AKAP7: variants seen among roughly 807,000 people sequenced by gnomAD.
AKAP7 encodes the protein A-kinase anchoring protein 7, also known as A kinase (PRKA) anchor protein 7.
A neutral mutation model predicts 39.5 loss-of-function variants in AKAP7; 39 were observed. The ratio of observed to expected loss-of-function variants is 0.99; its 90% CI spans 0.76 to 1.29. The LOEUF (loss-of-function observed/expected upper bound fraction) is 1.29. AKAP7 is among the 50% of genes most tolerant of loss of function. AKAP7 has a pLI of 0.00. For synonymous variants in AKAP7, 140 were observed against 139.1 expected (o/e 1.01, Z -0.05); for missense variants, 414 against 407.7 (o/e 1.02, Z -0.13).
intron 7 of AKAP7, among the ~76,000 whole-genome samples, chr6:131,227,966 C>A (rs190526658): frequency 6.6e-6 from 1 of 152,292 alleles, no homozygotes; most frequent in East Asian, 1.9e-4. Flanking sequence ...GGCAGTAGTT[C>A]AGCCAAAAAG....
At chr6:131,130,031 G>A in the AKAP7 span, among the ~76,000 whole-genome samples, 3 of 152,164 alleles carry the variant, frequency 2.0e-5, no homozygotes, top group Non-Finnish European at 2.9e-5. Context: ...GAAAGGAGTC[G>A]GGCAGGGTGA....
upstream of AKAP7, among the ~76,000 whole-genome samples, chr6:131,131,495 T>A (rs1800327865): frequency 6.7e-6 from 1 of 148,830 alleles, no homozygotes; most frequent in Admixed American, 6.7e-5. Flanking sequence ...GAAATTTATC[T>A]GGGAGTGCTG....
intron 7 of AKAP7, among the ~76,000 whole-genome samples, chr6:131,236,918 C>T (rs1057140527): frequency 7.2e-5 from 11 of 152,166 alleles, no homozygotes; most frequent in African/African-American, 2.7e-4. Context: ...GCCTGATTGC[C>T]CTGGCCAGAA....
rs116939246 is a variant in AKAP7 at position 131,228,193 on chromosome 6, G to A, written c.850+8385G>A. On this transcript the variant is annotated intron_variant, in intron 7 of 7. Coordinates refer to ENST00000431975, the MANE Select transcript of AKAP7 (RefSeq NM_016377.4). ...CCATTGTTTGATGCTGCAGGAAGGC[G>A]TAGGAGGAGAAGGAAATTAATTTTT... Among the ~76,000 whole-genome samples, 1,152 of 152,296 alleles carry A rather than the reference G, an allele frequency of 7.6e-3. 9 individuals carry two copies. Among genetic ancestry groups the A allele is most frequent in the Non-Finnish European group, 0.011 (739 of 68,024 alleles).
intron 7 of AKAP7, among the ~76,000 whole-genome samples, chr6:131,267,197 T>C (rs1276761960): frequency 6.6e-6 from 1 of 152,242 alleles, no homozygotes; most frequent in Non-Finnish European, 1.5e-5. Context: ...GTATTTGTGA[T>C]GCTCTTGGTC....
chr6:131,236,315 G>C (rs1449730813), intron 7 of AKAP7, among the ~76,000 whole-genome samples: 1 of 152,138 alleles, frequency 6.6e-6, no homozygotes, highest in Non-Finnish European at 1.5e-5. Flanking sequence ...TAGCCTTGTA[G>C]TATAGTTCGA....
At chr6:131,214,117 C>T (rs1808930606) in intron 6 of AKAP7, among the ~76,000 whole-genome samples, 3 of 152,072 alleles carry the variant, frequency 2.0e-5, no homozygotes, top group South Asian at 2.1e-4. Flanking sequence ...TATTAGGAAT[C>T]GTGTTGTCTT....
At position 131,219,793 on chromosome 6, in the gene AKAP7, T is replaced by A. The variant is rs1809543699; in HGVS notation, c.835T>A (p.Ser279Thr). 6 of 1,558,716 alleles carry A rather than the reference T, an allele frequency of 3.8e-6. No homozygotes were observed. Among genetic ancestry groups the A allele is most frequent in the Middle Eastern group, 1.7e-4 (1 of 5,848 alleles). ...AAGTAATGGTTATTATCACTGTGAA[T>A]CTTCCATTGTGATTGGTGAGTGTCA... ...KQSNGYYHCESSIVIGEKNGG... is the reference protein window; with the variant it reads ...KQSNGYYHCETSIVIGEKNGG... Residue 279 changes from serine to threonine, a missense_variant, in exon 7 of 8, where the codon TCT becomes ACT. Transcript: ENST00000431975.
At chr6:131,165,010 C>T (rs2128241032) in intron 3 of AKAP7, 71 bp from the exon 4 acceptor site, 1 of 1,251,080 alleles carries the variant, frequency 8.0e-7, no homozygotes. Context: ...CTTGATTTTA[C>T]ATTTTACCAT....
At chr6:131,211,798 G>GA (rs1808687340) in intron 6 of AKAP7, among the ~76,000 whole-genome samples, 3 of 136,706 alleles carry the variant, frequency 2.2e-5, no homozygotes, top group African/African-American at 8.3e-5. Context: ...AAAAAAGAAA[G>GA]AAAATTTATG....
intron 7 of AKAP7, among the ~76,000 whole-genome samples, chr6:131,266,459 A>G (rs1413347100): frequency 6.6e-6 from 1 of 152,236 alleles, no homozygotes; most frequent in Non-Finnish European, 1.5e-5. Flanking sequence ...TGCTAGTTCC[A>G]TTTCCTACAG....
At chr6:131,196,733 A>G (rs1488886579) in intron 5 of AKAP7, among the ~76,000 whole-genome samples, 2 of 152,116 alleles carry the variant, frequency 1.3e-5, no homozygotes, top group Non-Finnish European at 2.9e-5. Flanking sequence ...GACCACATGA[A>G]AATTTATTTA....
At position 131,219,735 on chromosome 6, in the gene AKAP7, C is replaced by T; in HGVS notation, c.777C>T (p.Arg259=). The T allele has an allele frequency of 6.3e-7, 1 of 1,597,546 alleles. No homozygotes were observed. Among genetic ancestry groups the T allele is most frequent in the Non-Finnish European group, 8.5e-7 (1 of 1,171,128 alleles). ...GATTTGGAGAAGAAATATTATATCG[C>T]ATAGATCTTTGCTCCATGCTGAAGA... is the stretch of plus-strand genomic sequence containing the variant. ...SHRFGEEILY[R]IDLCSMLKKK... The change falls in exon 7 of 8, where the codon CGC becomes CGT. Residue 259 remains arginine (R), a synonymous_variant. Coordinates refer to ENST00000431975, the MANE Select transcript of AKAP7 (RefSeq NM_016377.4).
Position 131,280,697 on chromosome 6 carries a change from T to C in AKAP7, c.851-833T>C, listed in dbSNP as rs191600893. On this transcript the variant is annotated intron_variant, in intron 7 of 7. Transcript: ENST00000431975. ...AGCACTGAATGGTCACTCTCTTCTT[T>C]GTCTCCCTTAACTGGGGAAGGAGCC... Among the ~76,000 whole-genome samples the C allele has an allele frequency of 1.1e-3, 160 of 152,344 alleles. 3 individuals carry two copies. The East Asian group carries it at 0.026, about 25-fold the overall frequency.
chr6:131,162,411 T>A (rs1354969177), intron 3 of AKAP7, among the ~76,000 whole-genome samples: 2 of 152,170 alleles, frequency 1.3e-5, no homozygotes, highest in African/African-American at 4.8e-5. Context: ...ACAGACTTGT[T>A]AGTCCCAGCT....
chr6:131,244,687 C>T (rs1430036658), intron 7 of AKAP7, among the ~76,000 whole-genome samples: 1 of 152,164 alleles, frequency 6.6e-6, no homozygotes, highest in African/African-American at 2.4e-5. Context: ...AGCAGAAATG[C>T]ATCAGCAGAG....
intron 7 of AKAP7, among the ~76,000 whole-genome samples, chr6:131,239,155 C>T (rs1298372526): frequency 4.6e-5 from 7 of 152,066 alleles, no homozygotes; most frequent in Non-Finnish European, 1.0e-4. Context: ...TTTATTTTTC[C>T]TTCACTTATG....
At chr6:131,277,636 T>A (rs752326460) in intron 7 of AKAP7, among the ~76,000 whole-genome samples, 1 of 152,206 alleles carries the variant, frequency 6.6e-6, no homozygotes, top group Non-Finnish European at 1.5e-5. Flanking sequence ...TTAAGTTGAA[T>A]TAGGTCTGCT....
chr6:131,145,360 T>C lies in AKAP7; in HGVS notation c.95T>C (p.Met32Thr), dbSNP rs770931867. 6.4e-7 allele frequency: 1 copy of C among 1,573,002 alleles called. No homozygotes were observed. The highest frequency in any genetic ancestry group is 8.6e-7 in the Non-Finnish European group (1 of 1,157,642). Reference protein sequence around the residue: ...KMSEEFEANTMDSLVDMPFAT... With the variant: ...KMSEEFEANTTDSLVDMPFAT... ...TCAGAGGAATTTGAAGCCAATACTATGGATTCTCTGGTAGACATGCCATTT... is the reference window on the plus strand; with the variant it reads ...TCAGAGGAATTTGAAGCCAATACTACGGATTCTCTGGTAGACATGCCATTT... The change falls in exon 2 of 8, where the codon ATG (methionine) becomes ACG (threonine). Residue 32 changes from methionine (M) to threonine (T), a missense_variant. Physicochemically the swap from Met to Thr is moderately conservative, Grantham distance 81 (BLOSUM62 -1). Transcript: ENST00000431975.
Sources: gnomAD v4.1 joint callset for allele counts (sites outside exome capture counted in the v4.1 genomes callset) on GRCh38, gnomAD v4.1.1 for gene constraint, MANE v1.5 for transcripts, NCBI Gene and HGNC (gene_info 2026-07-23, HGNC 2026-07-21) for gene names.